The following CTNNA2 variants were observed in gnomAD, a reference collection of about 807,000 sequenced individuals.
CTNNA2 encodes catenin alpha 2.
In CTNNA2, 42 loss-of-function variants were observed where a neutral mutation model predicts 101.0. That is an observed-to-expected ratio of 0.42 (90% CI 0.32 to 0.54). The LOEUF (loss-of-function observed/expected upper bound fraction) is 0.54. Ranked by LOEUF, CTNNA2 falls within the 20% of genes least tolerant of loss-of-function variation. The pLI is 0.14. For synonymous variants in CTNNA2, 450 were observed against 456.4 expected (o/e 0.99, Z 0.18); for missense variants, 871 against 1,223.1 (o/e 0.71, Z 4.29).
At chr2:79,683,488 T>G (rs1473091265) in intron 2 of CTNNA2, among the ~76,000 whole-genome samples, 3 of 152,224 alleles carry the variant, frequency 2.0e-5, no homozygotes, top group Non-Finnish European at 4.4e-5. Flanking sequence ...GCCTCTTTTG[T>G]TTAGAAGTGT....
At chr2:80,505,145 AAATG>A (rs1179829419) in intron 9 of CTNNA2, among the ~76,000 whole-genome samples, 2 of 152,220 alleles carry the variant, frequency 1.3e-5, no homozygotes, top group African/African-American at 4.8e-5. Context: ...ATGAATGAAT[AAATG>A]AATAAATAAA....
At chr2:79,842,636 A>T (rs969673289) in intron 3 of CTNNA2, among the ~76,000 whole-genome samples, 24 of 152,196 alleles carry the variant, frequency 1.6e-4, no homozygotes, top group African/African-American at 5.5e-4. Flanking sequence ...TCAGGACTGA[A>T]GCTGACTATC....
chr2:80,337,745 C>T (rs1258135501), intron 7 of CTNNA2, among the ~76,000 whole-genome samples: 3 of 152,100 alleles, frequency 2.0e-5, no homozygotes, highest in East Asian at 1.9e-4. Context: ...CTGGGGAATG[C>T]GCACCCAACA....
At chr2:79,906,601 C>T (rs1319324262) in intron 6 of CTNNA2, among the ~76,000 whole-genome samples, 1 of 152,078 alleles carries the variant, frequency 6.6e-6, no homozygotes, top group South Asian at 2.1e-4. Context: ...GATAGTGTAA[C>T]TTTTATGCAG....
At chr2:80,072,700 G>C (rs1698421145) in intron 7 of CTNNA2, among the ~76,000 whole-genome samples, 1 of 152,080 alleles carries the variant, frequency 6.6e-6, no homozygotes. Flanking sequence ...AAAACCACAT[G>C]TCATCAGTGA....
At chr2:79,818,821 T>TTTTATATATATATATATATA (rs1553373413) in intron 3 of CTNNA2, among the ~76,000 whole-genome samples, 1,881 of 73,710 alleles carry the variant, frequency 0.026, 267 homozygotes, top group East Asian at 0.073. Context: ...CAAAATGCAA[T>TTTTATATATATATATATATA]TATATATATA....
chr2:79,342,173 A>G (rs776543110), intron 3 of CTNNA2, among the ~76,000 whole-genome samples: 16 of 152,198 alleles, frequency 1.1e-4, no homozygotes, highest in Non-Finnish European at 2.4e-4. Context: ...TAATACTCAC[A>G]TGGGAACATA....
intron 4 of CTNNA2, chr2:79,866,348 A>T (rs941844383): frequency 1.3e-5 from 2 of 152,214 alleles, no homozygotes; most frequent in Admixed American, 1.3e-4. Flanking sequence ...TTTAGCAAAG[A>T]GTTCTGGCTT....
intron 2 of CTNNA2, among the ~76,000 whole-genome samples, chr2:79,200,656 G>A (rs1358119332): frequency 6.6e-6 from 1 of 151,998 alleles, no homozygotes; most frequent in Non-Finnish European, 1.5e-5. Context: ...TTCAATTGAG[G>A]AAAAAGCAAA....
intron 9 of CTNNA2, among the ~76,000 whole-genome samples, chr2:80,457,457 A>G (rs1244328106): frequency 6.6e-6 from 1 of 152,138 alleles, no homozygotes; most frequent in Non-Finnish European, 1.5e-5. Context: ...CAGTAAAAAA[A>G]GAAAGAAAAA....
At chr2:79,584,764 T>G (rs1676372732) in intron 1 of CTNNA2, among the ~76,000 whole-genome samples, 1 of 152,056 alleles carries the variant, frequency 6.6e-6, no homozygotes, top group Non-Finnish European at 1.5e-5. Context: ...AGGTGATCCA[T>G]CTGCCTCAGC....
At chr2:80,572,880 G>A (rs1375664622) in intron 12 of CTNNA2, 3 of 152,184 alleles carry the variant, frequency 2.0e-5, no homozygotes, top group African/African-American at 7.2e-5. Flanking sequence ...CTACTAAAGT[G>A]TGGGCACACA....
rs533739195 is a variant in CTNNA2 at position 79,919,809 on chromosome 2, C to A, written c.1056+10012C>A. Among the ~76,000 whole-genome samples, 315 of 152,258 alleles carry A rather than the reference C, an allele frequency of 2.1e-3. 4 individuals are homozygous for A. The highest frequency in any genetic ancestry group is 6.3e-3 in the African/African-American group (260 of 41,548). ...GGCCCCTCCTTGCTCAGGTTCAATG[C>A]GGCCTTGAACTCTGAGAGGTATTTT... On this transcript the variant is annotated intron_variant, in intron 7 of 18. Transcript: ENST00000402739.
intron 2 of CTNNA2, among the ~76,000 whole-genome samples, chr2:79,200,333 G>A (rs1488367727): frequency 2.6e-5 from 4 of 151,218 alleles, no homozygotes; most frequent in Non-Finnish European, 5.9e-5. Context: ...GCAGTGAGCC[G>A]AGATTGCGCC....
intron 2 of CTNNA2, among the ~76,000 whole-genome samples, chr2:79,214,163 G>A (rs1361353365): frequency 1.3e-5 from 2 of 152,170 alleles, no homozygotes; most frequent in Non-Finnish European, 2.9e-5. Flanking sequence ...GGTAACAGAT[G>A]AGGAAGAAAT....
intron 9 of CTNNA2, among the ~76,000 whole-genome samples, chr2:80,539,973 G>A (rs1187303722): frequency 6.6e-6 from 1 of 152,190 alleles, no homozygotes; most frequent in African/African-American, 2.4e-5. Flanking sequence ...GGGCCCAGTT[G>A]AGCAAGTATA....
chr2:80,120,210 A>G lies in CTNNA2; in HGVS notation c.1056+210413A>G, dbSNP rs75582646. 7.9e-5 allele frequency among the ~76,000 whole-genome samples: 12 copies of G among 152,358 alleles called. No individual in the cohort carries two copies. The East Asian group carries it at 2.3e-3, about 29-fold the overall frequency. ...GATGACAGTCAATAGACTTTCATTC[A>G]TTAAAAGTAATAGCTTACTATATTT... On this transcript the variant is annotated intron_variant, in intron 7 of 18. Transcript: ENST00000402739.
chr2:80,077,219 A>G (rs529917760), intron 7 of CTNNA2, among the ~76,000 whole-genome samples: 103 of 152,324 alleles, frequency 6.8e-4, no homozygotes, highest in African/African-American at 2.1e-3. Context: ...TCTTTGTTAA[A>G]CATACATTTA....
At chr2:80,035,506 G>A (rs1160123045) in intron 7 of CTNNA2, among the ~76,000 whole-genome samples, 1 of 152,120 alleles carries the variant, frequency 6.6e-6, no homozygotes. Context: ...TAATCTGACA[G>A]CCTAGCACCT....
Sources: allele counts gnomAD v4.1 joint callset (sites outside exome capture counted in the v4.1 genomes callset), GRCh38; gene constraint gnomAD v4.1.1; transcripts MANE v1.5; gene names NCBI Gene and HGNC (gene_info 2026-07-23, HGNC 2026-07-21).